DSCAM: variants seen among roughly 807,000 people sequenced by gnomAD.
The protein encoded by DSCAM is DS cell adhesion molecule.
In DSCAM, 47 loss-of-function variants were observed where a neutral mutation model predicts 217.7. That is an observed-to-expected ratio of 0.22 (90% CI 0.17 to 0.28). The LOEUF (loss-of-function observed/expected upper bound fraction) is 0.28, where lower values mean the gene tolerates loss of function less well. Ranked by LOEUF, DSCAM falls within the 10% of genes least tolerant of loss-of-function variation. The probability of loss-of-function intolerance (pLI) is 1.00; values close to 1 mark genes in which losing one functional copy is unlikely to be tolerated. For missense variants in DSCAM, 2,080 were observed against 2,618.3 expected, an observed-to-expected ratio of 0.79 and a Z score of 4.49; for synonymous variants, 1,056 against 1,015.3, an observed-to-expected ratio of 1.04 and a Z score of -0.76.
chr21:40,509,753 A>C (rs1407327955), intron 3 of DSCAM, among the ~76,000 whole-genome samples: 1 of 152,222 alleles, frequency 6.6e-6, no homozygotes, highest in African/African-American at 2.4e-5. Context: ...AAGTTATAAA[A>C]ATTTTATACA....
At chr21:40,341,863 C>A (rs1235223609) in intron 6 of DSCAM, among the ~76,000 whole-genome samples, 1 of 152,120 alleles carries the variant, frequency 6.6e-6, no homozygotes, top group Non-Finnish European at 1.5e-5. Flanking sequence ...GTCCGTATCA[C>A]CCATTATTTA....
chr21:40,717,211 C>A (rs569518463), intron 1 of DSCAM, among the ~76,000 whole-genome samples: 2 of 152,302 alleles, frequency 1.3e-5, no homozygotes, highest in East Asian at 3.9e-4. Context: ...GTGCCAAGAC[C>A]AGCAGACACA....
chr21:40,664,658 G>C (rs9975085), intron 3 of DSCAM, among the ~76,000 whole-genome samples: 38,606 of 152,204 alleles, frequency 0.25, 6,002 homozygotes, highest in Admixed American at 0.42. Context: ...TTGCTCCACA[G>C]ACGTGGAGTG....
In DSCAM at chr21:40,648,542, T is replaced by C. The variant is rs542374472; in HGVS notation, c.508+44268A>G. Among the ~76,000 whole-genome samples the C allele has an allele frequency of 5.5e-4, 83 of 152,272 alleles. 1 individual carries two copies. Among genetic ancestry groups the C allele is most frequent in the Admixed American group, 4.1e-3 (62 of 15,296 alleles). On this transcript the variant is annotated intron_variant, in intron 3 of 32. Transcript: ENST00000400454. ...GTCCTGGGTACATCCACAGACTGGATTGAGAACCTGTCTTTCCATTTTGGT... is the reference window on the plus strand; with the variant it reads ...GTCCTGGGTACATCCACAGACTGGACTGAGAACCTGTCTTTCCATTTTGGT...
At chr21:40,171,998 T>C (rs1465506464) in intron 15 of DSCAM, among the ~76,000 whole-genome samples, 1 of 152,194 alleles carries the variant, frequency 6.6e-6, no homozygotes, top group Non-Finnish European at 1.5e-5. Flanking sequence ...ATGTAATATA[T>C]AGAAAAAGCA....
chr21:40,685,906 T>G (rs2090467148), intron 3 of DSCAM, among the ~76,000 whole-genome samples: 1 of 148,786 alleles, frequency 6.7e-6, no homozygotes, highest in African/African-American at 2.5e-5. Context: ...GAGAAATCAC[T>G]GCATATCCAT....
intron 1 of DSCAM, among the ~76,000 whole-genome samples, chr21:40,748,418 AGT>A (rs1455407907): frequency 6.6e-6 from 1 of 152,100 alleles, no homozygotes; most frequent in Admixed American, 6.5e-5. Context: ...AAAAATCAGT[AGT>A]GTTTGCTATA....
intron 10 of DSCAM, among the ~76,000 whole-genome samples, chr21:40,286,889 T>A (rs970125997): frequency 1.3e-5 from 2 of 150,920 alleles, no homozygotes; most frequent in Non-Finnish European, 2.9e-5. Flanking sequence ...TGCAGTGTGA[T>A]CCACAGGTGG....
chr21:40,026,072 T>G (rs1344236114), intron 32 of DSCAM, among the ~76,000 whole-genome samples: 2 of 142,864 alleles, frequency 1.4e-5, no homozygotes, highest in Middle Eastern at 3.6e-3. Context: ...GTATGTTGTG[T>G]CTTTGTTCTC....
intron 3 of DSCAM, among the ~76,000 whole-genome samples, chr21:40,666,710 G>A (rs1385403792): frequency 6.6e-6 from 1 of 152,182 alleles, no homozygotes; most frequent in Admixed American, 6.5e-5. Flanking sequence ...CTTTGCCCCT[G>A]CACCTGGGCT....
intron 18 of DSCAM, among the ~76,000 whole-genome samples, 193 bp downstream of exon 18, chr21:40,142,365 G>A (rs978407211): frequency 6.6e-6 from 1 of 152,136 alleles, no homozygotes; most frequent in African/African-American, 2.4e-5. Context: ...CTTGGGTTTC[G>A]AAGGTGTGTG....
At chr21:40,734,339 C>T (rs1455049826) in intron 1 of DSCAM, among the ~76,000 whole-genome samples, 1 of 152,166 alleles carries the variant, frequency 6.6e-6, no homozygotes, top group East Asian at 1.9e-4. Context: ...TTCCCAAACC[C>T]ATCTCTCAGA....
At chr21:40,570,634 G>A (rs1428823983) in intron 3 of DSCAM, among the ~76,000 whole-genome samples, 2 of 152,184 alleles carry the variant, frequency 1.3e-5, no homozygotes, top group African/African-American at 4.8e-5. Flanking sequence ...GGCTCTAGAG[G>A]AAAATACTGA....
In DSCAM at chr21:40,415,589, A is replaced by G. The variant is rs80142930; in HGVS notation, c.509-46344T>C. Reference sequence around the variant, plus strand: ...GAGAAATCTAGAATCCTGAAAGGACAAAAGAACTGGCCTAGGCCTGGACAG... The same window carrying G: ...GAGAAATCTAGAATCCTGAAAGGACGAAAGAACTGGCCTAGGCCTGGACAG... On this transcript the variant is annotated intron_variant, in intron 3 of 32. Transcript: ENST00000400454. Among the ~76,000 whole-genome samples the G allele has an allele frequency of 2.8e-3, 426 of 152,356 alleles. 2 individuals are homozygous for G. Among genetic ancestry groups the G allele is most frequent in the Non-Finnish European group, 4.9e-3 (331 of 68,036 alleles).
Position 40,514,495 on chromosome 21 carries a change from T to C in DSCAM, c.509-145250A>G, listed in dbSNP as rs577598701. Among the ~76,000 whole-genome samples, 11 of 151,654 alleles carry C rather than the reference T, an allele frequency of 7.3e-5. No individual in the cohort carries two copies. In the East Asian group the frequency reaches 2.2e-3, roughly 31 times the overall value. Reference sequence around the variant, plus strand: ...CTCCTAATTTAAAATAAACCCTGTATTTTTGGTTGTTTTCCTTTTTGACAT... The same window carrying C: ...CTCCTAATTTAAAATAAACCCTGTACTTTTGGTTGTTTTCCTTTTTGACAT... On this transcript the variant is annotated intron_variant, in intron 3 of 32. Transcript: ENST00000400454.
intron 3 of DSCAM, among the ~76,000 whole-genome samples, chr21:40,392,997 C>T (rs1008459578): frequency 6.6e-6 from 1 of 152,116 alleles, no homozygotes; most frequent in Non-Finnish European, 1.5e-5. Context: ...ATTATTAGTG[C>T]ATGTTAGATA....
At chr21:40,715,852 A>T (rs2090836224) in intron 1 of DSCAM, among the ~76,000 whole-genome samples, 1 of 152,220 alleles carries the variant, frequency 6.6e-6, no homozygotes, top group Non-Finnish European at 1.5e-5. Context: ...GGTAATTTGA[A>T]CTAAGCAAAA....
At chr21:40,594,668 G>A (rs563319120) in intron 3 of DSCAM, among the ~76,000 whole-genome samples, 2 of 152,148 alleles carry the variant, frequency 1.3e-5, no homozygotes, top group East Asian at 1.9e-4. Context: ...ACAGAGGGTC[G>A]CATGCCATAA....
chr21:40,437,258 G>A (rs1233236753), intron 3 of DSCAM, among the ~76,000 whole-genome samples: 1 of 152,146 alleles, frequency 6.6e-6, no homozygotes, highest in Non-Finnish European at 1.5e-5. Flanking sequence ...TTTCAAGCAA[G>A]GGGAGACTTG....
Sources: allele counts gnomAD v4.1 joint callset (sites outside exome capture counted in the v4.1 genomes callset), GRCh38; gene constraint gnomAD v4.1.1; transcripts MANE v1.5; gene names NCBI Gene and HGNC (gene_info 2026-07-23, HGNC 2026-07-21).